The following MAGI1 variants were observed in gnomAD, a reference collection of about 807,000 sequenced individuals.
MAGI1 encodes the protein membrane-associated guanylate kinase, WW and PDZ domain-containing protein 1.
In MAGI1, 58 loss-of-function variants were observed where a neutral mutation model predicts 139.9. The observed-to-expected ratio is 0.41, with a 90% CI of 0.34 to 0.52. The LOEUF (loss-of-function observed/expected upper bound fraction) is 0.52. Ranked by LOEUF, MAGI1 falls within the 20% of genes least tolerant of loss-of-function variation. The pLI is 0.12. For missense variants in MAGI1, 1,874 were observed against 1,901.6 expected (o/e 0.99, Z 0.27); for synonymous variants, 812 against 737.9 (o/e 1.10, Z -1.63).
intron 14 of MAGI1, among the ~76,000 whole-genome samples, chr3:65,384,780 GGTGTGTGTGT>G (rs3072935): frequency 4.1e-5 from 6 of 147,820 alleles, no homozygotes; most frequent in African/African-American, 1.3e-4. Flanking sequence ...TATAGGAAGG[GGTGTGTGTGT>G]GTGTGTGTGT....
chr3:65,763,422 T>C (rs1310517404), intron 1 of MAGI1, among the ~76,000 whole-genome samples: 1 of 152,180 alleles, frequency 6.6e-6, no homozygotes, highest in Non-Finnish European at 1.5e-5. Flanking sequence ...AGTGCTTTAA[T>C]TCTCAGGCCT....
At position 65,812,796 on chromosome 3, in the gene MAGI1, C is replaced by T. The variant is rs1559907317; in HGVS notation, c.314-190708G>A. ...TGCAATCTCAGCTCACCGCAACCTC[C>T]GCCTCCTGGGTTGAAGCGATTCTCC... is the stretch of plus-strand genomic sequence containing the variant. On this transcript the variant is annotated intron_variant, in intron 1 of 22. Transcript: ENST00000402939. Among the ~76,000 whole-genome samples, 7 of 147,892 alleles carry T rather than the reference C, an allele frequency of 4.7e-5. No homozygotes were observed. The South Asian group carries it at 1.1e-3, about 23-fold the overall frequency.
intron 10 of MAGI1, among the ~76,000 whole-genome samples, chr3:65,435,133 T>C (rs1272508307): frequency 6.6e-6 from 1 of 152,130 alleles, no homozygotes; most frequent in Admixed American, 6.5e-5. Flanking sequence ...GATAGATAAA[T>C]GTTTGGTGTT....
intron 1 of MAGI1, among the ~76,000 whole-genome samples, chr3:65,929,699 G>C (rs1327310471): frequency 6.6e-6 from 1 of 151,944 alleles, no homozygotes; most frequent in Non-Finnish European, 1.5e-5. Context: ...ATTCTATCTT[G>C]AATAACTTGA....
At chr3:65,746,971 T>C in intron 1 of MAGI1, among the ~76,000 whole-genome samples, 1 of 152,206 alleles carries the variant, frequency 6.6e-6, no homozygotes, top group East Asian at 1.9e-4. Flanking sequence ...TGATCTAGTC[T>C]GGGCTAATGG....
chr3:65,680,033 G>A (rs1008436380), intron 1 of MAGI1, among the ~76,000 whole-genome samples: 2 of 152,092 alleles, frequency 1.3e-5, no homozygotes, highest in Admixed American at 6.5e-5. Context: ...AGAAAGATTA[G>A]TTCTCTCTCT....
intron 2 of MAGI1, among the ~76,000 whole-genome samples, chr3:65,574,088 T>C (rs2081075095): frequency 1.3e-5 from 2 of 152,082 alleles, no homozygotes; most frequent in Non-Finnish European, 2.9e-5. Flanking sequence ...TAAGCAAGTT[T>C]AGACACACTA....
chr3:65,589,616 G>C (rs2081867424), intron 2 of MAGI1, among the ~76,000 whole-genome samples: 1 of 151,924 alleles, frequency 6.6e-6, no homozygotes, highest in South Asian at 2.1e-4. Context: ...TCTGTCAAGG[G>C]TCAGATAATA....
intron 3 of MAGI1, among the ~76,000 whole-genome samples, chr3:65,484,533 A>G (rs1951503736): frequency 6.6e-6 from 1 of 152,210 alleles, no homozygotes; most frequent in Non-Finnish European, 1.5e-5. Context: ...ATATGTATAG[A>G]GTACATGAAT....
intron 1 of MAGI1, among the ~76,000 whole-genome samples, chr3:66,031,124 A>G (rs937917604): frequency 1.3e-5 from 2 of 152,230 alleles, no homozygotes; most frequent in Admixed American, 6.5e-5. Flanking sequence ...GATCTCACAT[A>G]TGAGCTGCAA....
chr3:65,664,077 T>G (rs1044626466), intron 1 of MAGI1, among the ~76,000 whole-genome samples: 1 of 152,178 alleles, frequency 6.6e-6, no homozygotes, highest in African/African-American at 2.4e-5. Flanking sequence ...TTACAAATGG[T>G]AGGCTACATT....
intron 12 of MAGI1, among the ~76,000 whole-genome samples, chr3:65,405,125 A>G (rs1009349115): frequency 3.3e-5 from 5 of 152,168 alleles, no homozygotes; most frequent in African/African-American, 9.7e-5. Flanking sequence ...GATCCCAGAA[A>G]ACTATTCCAG....
intron 2 of MAGI1, among the ~76,000 whole-genome samples, chr3:65,584,143 T>C (rs937693482): frequency 1.0e-4 from 15 of 142,860 alleles, no homozygotes; most frequent in Non-Finnish European, 1.1e-4. Flanking sequence ...TTCCTTTCCA[T>C]GGAAGGTTGT....
intron 1 of MAGI1, among the ~76,000 whole-genome samples, chr3:65,940,663 A>G (rs896648437): frequency 2.2e-4 from 34 of 152,200 alleles, no homozygotes; most frequent in African/African-American, 8.0e-4. Flanking sequence ...GGGTCCCATT[A>G]CTTTTCTACT....
intron 16 of MAGI1, among the ~76,000 whole-genome samples, chr3:65,380,242 G>A (rs570495776): frequency 2.0e-5 from 3 of 152,338 alleles, no homozygotes; most frequent in South Asian, 2.1e-4. Flanking sequence ...AGCCAACACC[G>A]TAGGTGGAAC....
At chr3:65,869,774 T>C (rs1362485504) in intron 1 of MAGI1, among the ~76,000 whole-genome samples, 1 of 152,132 alleles carries the variant, frequency 6.6e-6, no homozygotes, top group African/African-American at 2.4e-5. Context: ...CCATAAATAT[T>C]TCTAATCCAA....
intron 1 of MAGI1, among the ~76,000 whole-genome samples, chr3:65,905,646 A>G (rs1022542456): frequency 2.0e-5 from 3 of 152,110 alleles, no homozygotes; most frequent in African/African-American, 7.2e-5. Context: ...TTACATTTCT[A>G]AATTCTAAGT....
chr3:66,025,566 C>A (rs917694876), intron 1 of MAGI1, among the ~76,000 whole-genome samples: 7 of 152,060 alleles, frequency 4.6e-5, no homozygotes, highest in African/African-American at 7.2e-5. Context: ...AACAAACAAA[C>A]AAAAAAAGTC....
intron 1 of MAGI1, among the ~76,000 whole-genome samples, chr3:65,784,599 G>A (rs1055904207): frequency 6.6e-6 from 1 of 152,160 alleles, no homozygotes; most frequent in Non-Finnish European, 1.5e-5. Flanking sequence ...CAGCTACTCG[G>A]GAGGCTGAGG....
Sources: gnomAD v4.1 joint callset for allele counts (sites outside exome capture counted in the v4.1 genomes callset) on GRCh38, gnomAD v4.1.1 for gene constraint, MANE v1.5 for transcripts, NCBI Gene and HGNC (gene_info 2026-07-23, HGNC 2026-07-21) for gene names.